The following ZEB1 variants were observed in gnomAD, a reference collection of about 807,000 sequenced individuals.
ZEB1 encodes the protein zinc finger E-box binding homeobox 1.
ZEB1 carries 21 observed loss-of-function variants against 84.9 expected under a neutral mutation model. The ratio of observed to expected loss-of-function variants is 0.25; its 90% CI spans 0.18 to 0.36. ZEB1 has a LOEUF of 0.36. Ranked by LOEUF, ZEB1 falls within the 10% of genes least tolerant of loss-of-function variation. The pLI is 1.00. For synonymous variants in ZEB1, 420 were observed against 471.1 expected, an observed-to-expected ratio of 0.89 and a Z score of 1.41; for missense variants, 1,104 against 1,330.2, an observed-to-expected ratio of 0.83 and a Z score of 2.65.
At chr10:31,396,729 C>G (rs1449039235) in intron 1 of ZEB1, among the ~76,000 whole-genome samples, 3 of 152,130 alleles carry the variant, frequency 2.0e-5, no homozygotes, top group Non-Finnish European at 4.4e-5. Context: ...TTTTACTTTA[C>G]TCACCACCAT....
chr10:31,377,846 G>C (rs2046935901), intron 1 of ZEB1, among the ~76,000 whole-genome samples: 1 of 151,536 alleles, frequency 6.6e-6, no homozygotes, highest in Non-Finnish European at 1.5e-5. Context: ...TTTTATAAAT[G>C]AATTTTAAAT....
At chr10:31,333,577 C>A (rs948055400) in intron 1 of ZEB1, among the ~76,000 whole-genome samples, 1 of 151,198 alleles carries the variant, frequency 6.6e-6, no homozygotes, top group Non-Finnish European at 1.5e-5. Context: ...GTGTACCTTA[C>A]AAACTAGTAG....
At chr10:31,322,592 T>G (rs2034413653) in intron 1 of ZEB1, among the ~76,000 whole-genome samples, 1 of 152,192 alleles carries the variant, frequency 6.6e-6, no homozygotes, top group Non-Finnish European at 1.5e-5. Flanking sequence ...GCATCAAACC[T>G]TGTGTGGTAA....
intron 2 of ZEB1, among the ~76,000 whole-genome samples, chr10:31,469,977 C>T (rs1341246702): frequency 6.6e-6 from 1 of 152,104 alleles, no homozygotes; most frequent in African/African-American, 2.4e-5. Context: ...CGGCAGGGTA[C>T]TCCAACAGAC....
intron 3 of ZEB1, among the ~76,000 whole-genome samples, chr10:31,499,318 A>T (rs1045395803): frequency 2.0e-5 from 3 of 152,180 alleles, no homozygotes; most frequent in African/African-American, 7.2e-5. Flanking sequence ...GGAAACTGAA[A>T]TATGTTAATT....
At chr10:31,420,272 T>C (rs1591073840) in intron 1 of ZEB1, among the ~76,000 whole-genome samples, 2 of 152,152 alleles carry the variant, frequency 1.3e-5, no homozygotes, top group African/African-American at 4.8e-5. Context: ...TGTCTCGTGC[T>C]TCCATGGGTC....
chr10:31,438,887 T>C (rs997650612), intron 1 of ZEB1, among the ~76,000 whole-genome samples: 1 of 152,168 alleles, frequency 6.6e-6, no homozygotes, highest in Non-Finnish European at 1.5e-5. Flanking sequence ...TATACATACG[T>C]ACATACATGC....
intron 1 of ZEB1, among the ~76,000 whole-genome samples, chr10:31,457,085 C>T (rs2061326492): frequency 6.6e-6 from 1 of 151,782 alleles, no homozygotes; most frequent in Admixed American, 6.6e-5. Context: ...TATTTTTTAC[C>T]CTTGCTTTCT....
At chr10:31,459,357 G>T (rs901888054) in intron 1 of ZEB1, among the ~76,000 whole-genome samples, 1 of 151,936 alleles carries the variant, frequency 6.6e-6, no homozygotes, top group Non-Finnish European at 1.5e-5. Flanking sequence ...TATAAGATAA[G>T]GTGAGGTTTG....
At chr10:31,321,178 C>T (rs1402133593) in intron 1 of ZEB1, 1 of 1,089,738 alleles carries the variant, frequency 9.2e-7, no homozygotes, top group African/African-American at 1.7e-5. Flanking sequence ...GTTTTGTAAC[C>T]TTTCCTGGCA....
intron 1 of ZEB1, among the ~76,000 whole-genome samples, chr10:31,443,292 T>C (rs1474885246): frequency 6.6e-6 from 1 of 152,188 alleles, no homozygotes; most frequent in Non-Finnish European, 1.5e-5. Context: ...CACATATTTT[T>C]CACAATTTGT....
intron 1 of ZEB1, among the ~76,000 whole-genome samples, chr10:31,454,887 T>G (rs1219302238): frequency 1.3e-5 from 2 of 152,160 alleles, no homozygotes; most frequent in African/African-American, 4.8e-5. Flanking sequence ...ACCACTGACT[T>G]TCTTCACAGA....
intron 1 of ZEB1, among the ~76,000 whole-genome samples, chr10:31,402,469 G>A (rs1029409245): frequency 6.6e-6 from 1 of 152,016 alleles, no homozygotes; most frequent in African/African-American, 2.4e-5. Context: ...AAGGAAGCCT[G>A]ACTGAGTGGA....
chr10:31,482,220 TTC>T (rs1469830841), intron 2 of ZEB1, among the ~76,000 whole-genome samples: 1 of 152,042 alleles, frequency 6.6e-6, no homozygotes. Flanking sequence ...ATTGCTTTAG[TTC>T]TGTTTTTGCT....
intron 1 of ZEB1, among the ~76,000 whole-genome samples, chr10:31,444,215 T>A (rs1176184470): frequency 7.6e-6 from 1 of 131,606 alleles, no homozygotes; most frequent in African/African-American, 3.0e-5. Context: ...TGTCTTCTTT[T>A]GAGAAGTGTC....
intron 1 of ZEB1, among the ~76,000 whole-genome samples, chr10:31,351,554 C>G (rs16932347): frequency 1.3e-5 from 2 of 151,922 alleles, no homozygotes; most frequent in Non-Finnish European, 2.9e-5. Flanking sequence ...ATTGGAATTA[C>G]GCTAGATTAT....
In ZEB1 at chr10:31,453,419, A is replaced by G. The variant is rs150503289; in HGVS notation, c.59-7618A>G. Among the ~76,000 whole-genome samples the G allele has an allele frequency of 4.6e-5, 7 of 152,316 alleles. No homozygotes were observed. The East Asian group carries it at 1.3e-3, about 29-fold the overall frequency. ...TAGTGAGATTCTTTATGAAGCATTT[A>G]GGTGATCTTGCTTTCATACCAATGA... On this transcript the variant is annotated intron_variant, in intron 1 of 8. Coordinates refer to ENST00000424869, the MANE Select transcript of ZEB1 (RefSeq NM_001174096.2).
chr10:31,440,622 T>G (rs1386449334), intron 1 of ZEB1, among the ~76,000 whole-genome samples: 1 of 152,216 alleles, frequency 6.6e-6, no homozygotes, highest in East Asian at 1.9e-4. Flanking sequence ...AAATTGTCCC[T>G]GTTTGCAGAT....
rs574410635 is a variant in ZEB1, at chr10:31,507,356, T to A, written c.485-3317T>A. ...CTATTTGGGGGTGCGCTGAGCTTTC[T>A]GTATCTGGATGTCTAAATCCTTTGC... On this transcript the variant is annotated intron_variant, in intron 4 of 8. Transcript: ENST00000424869. Among the ~76,000 whole-genome samples the A allele has an allele frequency of 3.3e-5, 5 of 152,286 alleles. No individual in the cohort carries two copies. The South Asian group carries it at 8.3e-4, about 25-fold the overall frequency.
Sources: gnomAD v4.1 joint callset for allele counts (sites outside exome capture counted in the v4.1 genomes callset) on GRCh38, gnomAD v4.1.1 for gene constraint, MANE v1.5 for transcripts, NCBI Gene and HGNC (gene_info 2026-07-23, HGNC 2026-07-21) for gene names.